ANKRD30A: variants seen among roughly 807,000 people sequenced by gnomAD.
The protein encoded by ANKRD30A is ankyrin repeat domain 30A.
In ANKRD30A, 170 loss-of-function variants were observed where a neutral mutation model predicts 166.3. The ratio of observed to expected loss-of-function variants is 1.02; its 90% CI spans 0.90 to 1.16. The LOEUF (loss-of-function observed/expected upper bound fraction) is 1.16, where lower values mean the gene tolerates loss of function less well. Among genes scored for constraint, ANKRD30A ranks in the 50% most tolerant of loss-of-function variants. The pLI is 0.00. For missense variants in ANKRD30A, 1,630 were observed against 1,518.0 expected, an observed-to-expected ratio of 1.07 and a Z score of -1.23; for synonymous variants, 564 against 508.9, an observed-to-expected ratio of 1.11 and a Z score of -1.46.
At chr10:37,252,338 A>G in the ANKRD30A span, among the ~76,000 whole-genome samples, 1 of 152,210 alleles carries the variant, frequency 6.6e-6, no homozygotes, top group African/African-American at 2.4e-5. Context: ...AGGCCTTTCA[A>G]CAGTTTTGGA....
rs1782086 is a variant in ANKRD30A at position 37,195,310 on chromosome 10, G to A, written c.2615-1971G>A. Among the ~76,000 whole-genome samples the A allele has an allele frequency of 9.4e-3, 1,433 of 152,194 alleles. 34 individuals carry two copies. Among genetic ancestry groups the A allele is most frequent in the African/African-American group, 0.033 (1,356 of 41,490 alleles). ...CAAAATTTTGTTTATAATGAAAAGA[G>A]TTGGTTACAGATTCATTCTGTGTCT... On this transcript the variant is annotated intron_variant, in intron 27 of 35. Coordinates refer to ENST00000361713, the MANE Select transcript of ANKRD30A (RefSeq NM_052997.3).
intron 14 of ANKRD30A, 41 bp from the exon 15 acceptor site, chr10:37,158,473 A>G (rs554471139): frequency 5.0e-6 from 8 of 1,613,118 alleles, no homozygotes; most frequent in Admixed American, 1.7e-5. Flanking sequence ...TTTATGAAGT[A>G]TACATTGTAT....
downstream of ANKRD30A, chr10:37,232,700 AG>A (rs1334515414): frequency 2.0e-3 from 2 of 1,018 alleles, no homozygotes; most frequent in African/African-American, 2.4e-3. Flanking sequence ...ATATAAATAG[AG>A]AGAGAGAGAG....
intron 27 of ANKRD30A, among the ~76,000 whole-genome samples, chr10:37,195,071 G>A (rs1197243963): frequency 6.6e-6 from 1 of 152,046 alleles, no homozygotes; most frequent in Non-Finnish European, 1.5e-5. Flanking sequence ...AGAAGAAATA[G>A]GAAAAACATT....
intron 15 of ANKRD30A, among the ~76,000 whole-genome samples, chr10:37,161,046 G>A (rs1408134179): frequency 6.6e-6 from 1 of 152,214 alleles, no homozygotes; most frequent in African/African-American, 2.4e-5. Flanking sequence ...GAGGTTAGGA[G>A]ATCGAGACCA....
intron 34 of ANKRD30A, among the ~76,000 whole-genome samples, chr10:37,227,938 C>T (rs1843236597): frequency 6.6e-6 from 1 of 151,946 alleles, no homozygotes; most frequent in African/African-American, 2.4e-5. Context: ...TCTTGCAGTT[C>T]ACAGGTAGAT....
rs1277848588 is a variant in ANKRD30A at position 37,149,684 on chromosome 10, T to G, written c.1572+5T>G. 1 of 1,612,466 alleles carries G rather than the reference T, an allele frequency of 6.2e-7. No individual in the cohort carries two copies. Among genetic ancestry groups the G allele is most frequent in the Non-Finnish European group, 8.5e-7 (1 of 1,178,830 alleles). ...AAGAAGCCATCTGCCTTCAAGGTATTTAGTTTTATTATTTCATTTTGAATG... is the reference window on the plus strand; with the variant it reads ...AAGAAGCCATCTGCCTTCAAGGTATGTAGTTTTATTATTTCATTTTGAATG... On this transcript the variant is annotated splice_donor_5th_base_variant and intron_variant, in intron 10 of 35. Coordinates refer to ENST00000361713, the MANE Select transcript of ANKRD30A (RefSeq NM_052997.3).
chr10:37,166,260 T>C (rs1839332007), intron 18 of ANKRD30A, among the ~76,000 whole-genome samples: 1 of 152,214 alleles, frequency 6.6e-6, no homozygotes, highest in Admixed American at 6.5e-5. Flanking sequence ...TTGTTTGAAA[T>C]GTCTTATTTA....
downstream of ANKRD30A, among the ~76,000 whole-genome samples, chr10:37,235,780 T>A (rs890574117): frequency 6.8e-6 from 1 of 147,180 alleles, no homozygotes; most frequent in Admixed American, 6.8e-5. Flanking sequence ...TTTTTTTTTT[T>A]TTTTTTTGAG....
chr10:37,139,469 A>T (rs1054567726), intron 6 of ANKRD30A, among the ~76,000 whole-genome samples: 1 of 152,204 alleles, frequency 6.6e-6, no homozygotes, highest in Admixed American at 6.5e-5. Flanking sequence ...TGGGTGATCA[A>T]AGGTTAGTCT....
Position 37,183,500 on chromosome 10 carries a change from T to C in ANKRD30A, c.2422-5967T>C, listed in dbSNP as rs1207149098. 1.4e-5 allele frequency among the ~76,000 whole-genome samples: 2 copies of C among 146,902 alleles called. 1 individual carries two copies. The highest frequency in any genetic ancestry group is 5.0e-5 in the African/African-American group (2 of 40,278). On this transcript the variant is annotated intron_variant, in intron 24 of 35. Transcript: ENST00000361713. ...GTTGCACCTCTGAGTCTTTTCTCTC[T>C]TTTTCTTTTTTAAAAAGATATAAAT...
At position 37,217,738 on chromosome 10, in the gene ANKRD30A, A is replaced by G. The variant is rs367643592; in HGVS notation, c.3127A>G (p.Ile1043Val). The G allele has an allele frequency of 6.9e-6, 11 of 1,594,404 alleles. No individual in the cohort carries two copies. The East Asian group carries it at 2.5e-4, about 36-fold the overall frequency. The change falls in exon 33 of 36, where the codon ATA becomes GTA. Residue 1043 changes from isoleucine to valine, a missense_variant. Physicochemically the swap from Ile to Val is conservative, Grantham distance 29 (BLOSUM62 3). Coordinates refer to ENST00000361713, the MANE Select transcript of ANKRD30A (RefSeq NM_052997.3). ...QEEEKRRNAD[I>V]LNEKIREELG... Reference sequence around the variant, plus strand: ...AGAAGAGAAGAGAAGAAATGCCGATATATTAAATGAAAAAATTAGGGAAGA... The same window carrying G: ...AGAAGAGAAGAGAAGAAATGCCGATGTATTAAATGAAAAAATTAGGGAAGA...
At chr10:37,193,882 T>G (rs1471191021) in intron 27 of ANKRD30A, among the ~76,000 whole-genome samples, 3 of 152,184 alleles carry the variant, frequency 2.0e-5, no homozygotes, top group Non-Finnish European at 2.9e-5. Context: ...CTTGTTGTCA[T>G]TCCCGTGAAC....
At position 37,136,609 on chromosome 10, in the gene ANKRD30A, T is replaced by G. The variant is rs778843251; in HGVS notation, c.758T>G (p.Ile253Ser). ...HYAVTCGFHH[I>S]HEQIMEYIRK... ...ATTTATCACATTTTTATACATAGCA[T>G]TCATGAACAAATTATGGAATATATA... The change falls in exon 6 of 36, where the codon ATT becomes AGT. Residue 253 changes from isoleucine (I) to serine (S), a missense_variant and splice_region_variant. By Grantham distance (142) the Ile-to-Ser change is moderately radical. Around this residue, in one of 4 missense-constraint regions of ANKRD30A, gnomAD observed 904 missense variants for 818.5 expected, o/e 1.10. Transcript: ENST00000361713. 1 of 1,331,492 alleles carries G rather than the reference T, an allele frequency of 7.5e-7. No individual in the cohort carries two copies. The highest frequency in any genetic ancestry group is 2.2e-5 in the Admixed American group (1 of 46,124). The allele number at this position is 1,331,492 out of a possible 1,614,324, so 82.5% of individuals were successfully genotyped here. A position where few individuals can be genotyped will look rare whatever the true frequency, so the allele number is the denominator to read the frequency against.
intron 31 of ANKRD30A, among the ~76,000 whole-genome samples, chr10:37,210,777 A>G (rs1008051330): frequency 2.6e-5 from 4 of 152,058 alleles, no homozygotes; most frequent in Non-Finnish European, 5.9e-5. Flanking sequence ...TTGAAGAAGT[A>G]TCTGTTCATA....
At chr10:37,191,685 G>A (rs572424550) in intron 25 of ANKRD30A, among the ~76,000 whole-genome samples, 4 of 152,024 alleles carry the variant, frequency 2.6e-5, no homozygotes, top group South Asian at 4.2e-4. Flanking sequence ...TCAGCGATTA[G>A]CTTGTTTTTC....
At chr10:37,246,588 A>G in the ANKRD30A span, among the ~76,000 whole-genome samples, 1 of 152,226 alleles carries the variant, frequency 6.6e-6, no homozygotes, top group South Asian at 2.1e-4. Context: ...GAGACTGCCA[A>G]TGTTCAAGCA....
At chr10:37,179,170 A>G (rs1840002395) in intron 24 of ANKRD30A, among the ~76,000 whole-genome samples, 1 of 150,710 alleles carries the variant, frequency 6.6e-6, no homozygotes, top group African/African-American at 2.4e-5. Flanking sequence ...TGTTGGTAAA[A>G]TTGCCATTTT....
At chr10:37,197,518 T>A (rs905368725) in intron 29 of ANKRD30A, 38 bp downstream of exon 29, 2 of 1,610,776 alleles carry the variant, frequency 1.2e-6, no homozygotes, top group Admixed American at 3.3e-5. Flanking sequence ...GACCAATATT[T>A]CAATATTGAA....
Sources: allele counts gnomAD v4.1 joint callset (sites outside exome capture counted in the v4.1 genomes callset), GRCh38; gene constraint gnomAD v4.1.1; regional missense constraint gnomAD v4.1.1; transcripts MANE v1.5; gene names NCBI Gene and HGNC (gene_info 2026-07-23, HGNC 2026-07-21).